The following VSIG1 variants were observed in gnomAD, a reference collection of about 807,000 sequenced individuals.
The protein encoded by VSIG1 is V-set and immunoglobulin domain containing 1.
In VSIG1, 11 loss-of-function variants were observed where a neutral mutation model predicts 20.1. The observed-to-expected ratio is 0.55, with a 90% CI of 0.34 to 0.91. The LOEUF (loss-of-function observed/expected upper bound fraction) is 0.91, where lower values mean the gene tolerates loss of function less well. Ranked by LOEUF, VSIG1 falls within the 40% of genes least tolerant of loss-of-function variation. VSIG1 has a pLI of 0.02. For synonymous variants in VSIG1, 126 were observed against 116.7 expected (o/e 1.08, Z -0.52); for missense variants, 283 against 298.8 (o/e 0.95, Z 0.39).
chrX:108,048,164 C>G (rs898750312), intron 1 of VSIG1, among the ~76,000 whole-genome samples: 1 of 105,132 alleles, frequency 9.5e-6, no homozygotes, highest in Non-Finnish European at 1.9e-5. Context: ...CCACCACGCC[C>G]GGCTAATTTT....
At chrX:108,022,795 A>T in the VSIG1 span, among the ~76,000 whole-genome samples, 20 of 111,871 alleles carry the variant, frequency 1.8e-4, no homozygotes, top group Non-Finnish European at 3.0e-4. Context: ...ATAGGGGTGG[A>T]TCACTCATGA....
At chrX:108,076,443 C>A (rs2031349762) in intron 6 of VSIG1, among the ~76,000 whole-genome samples, 1 of 112,223 alleles carries the variant, frequency 8.9e-6, no homozygotes, top group Non-Finnish European at 1.9e-5. Context: ...TTAGCTATCA[C>A]AACAGTTTTA....
chrX:108,030,640 A>T, the VSIG1 span, among the ~76,000 whole-genome samples: 1 of 112,319 alleles, frequency 8.9e-6, no homozygotes. Flanking sequence ...CCAAAGTAGG[A>T]TCGGGTTTTT....
intron 3 of VSIG1, among the ~76,000 whole-genome samples, chrX:108,068,696 G>A (rs964887345): frequency 1.8e-5 from 2 of 111,834 alleles, no homozygotes; most frequent in Admixed American, 1.9e-4. Context: ...AGGCCCTATC[G>A]CCAAAATTAG....
chrX:108,072,397 C>T (rs980064861), intron 3 of VSIG1, among the ~76,000 whole-genome samples: 20 of 110,246 alleles, frequency 1.8e-4, no homozygotes, highest in Non-Finnish European at 9.5e-5. Flanking sequence ...GGATTACAGG[C>T]GCCCACCACC....
chrX:108,057,366 A>C (rs1245109399), intron 1 of VSIG1, among the ~76,000 whole-genome samples: 1 of 112,064 alleles, frequency 8.9e-6, no homozygotes, highest in Non-Finnish European at 1.9e-5. Context: ...AAAATAGAGA[A>C]TTAAATGTGC....
At chrX:108,071,916 T>G (rs939638271) in intron 3 of VSIG1, among the ~76,000 whole-genome samples, 4 of 75,699 alleles carry the variant, frequency 5.3e-5, no homozygotes, top group African/African-American at 2.0e-4. Context: ...AAAAAGAAAA[T>G]AATCATGAGA....
At chrX:108,038,791 G>A in the VSIG1 span, among the ~76,000 whole-genome samples, 1 of 112,192 alleles carries the variant, frequency 8.9e-6, no homozygotes. Flanking sequence ...TGAGGTTAGA[G>A]AGGTGGTGGT....
upstream of VSIG1, chrX:108,044,935 A>G: frequency 6.5e-6 from 2 of 305,806 alleles, no homozygotes; most frequent in Non-Finnish European, 1.1e-5. Flanking sequence ...CGCCCCATGA[A>G]AAGTGTTTCA....
chrX:108,045,275 G>T (rs1602561837), intron 1 of VSIG1, 96 bp downstream of exon 1: 1 of 694,886 alleles, frequency 1.4e-6, no homozygotes, highest in Non-Finnish European at 2.0e-6. Context: ...TTCATCTCCT[G>T]TACTTCAAAT....
chrX:108,032,187 A>C, the VSIG1 span, among the ~76,000 whole-genome samples: 2 of 112,403 alleles, frequency 1.8e-5, no homozygotes, highest in African/African-American at 3.2e-5. Flanking sequence ...TCGTCATTTC[A>C]TGTCAACTCA....
the VSIG1 span, among the ~76,000 whole-genome samples, chrX:108,024,289 G>T: frequency 9.0e-6 from 1 of 111,055 alleles, no homozygotes; most frequent in East Asian, 2.8e-4. Flanking sequence ...AAGGTCAGTA[G>T]TAATGTCCTG....
chrX:108,040,223 A>T (rs762452771), upstream of VSIG1, among the ~76,000 whole-genome samples: 7 of 111,853 alleles, frequency 6.3e-5, no homozygotes, highest in African/African-American at 1.9e-4. Context: ...GTAAACAAGC[A>T]ATTCACAGGG....
At chrX:108,049,864 T>C (rs1171202202) in intron 1 of VSIG1, among the ~76,000 whole-genome samples, 1 of 112,042 alleles carries the variant, frequency 8.9e-6, no homozygotes, top group African/African-American at 3.3e-5. Context: ...GAACCATCTT[T>C]CTCCAGTGAA....
In VSIG1 at chrX:108,046,773, A is replaced by G. The variant is rs186627559; in HGVS notation, c.49+1594A>G. 6.3e-3 allele frequency among the ~76,000 whole-genome samples: 705 copies of G among 111,245 alleles called. 7 individuals are homozygous for G. Among genetic ancestry groups the G allele is most frequent in the African/African-American group, 0.022 (662 of 30,633 alleles). On this transcript the variant is annotated intron_variant, in intron 1 of 6. Transcript: ENST00000217957. ...GGGTTTATTCCTTGTATACTTTTTT[A>G]TTGTTTAAAAAAATTGTTTAGCATC...
chrX:108,063,836 C>T (rs1006875502), intron 2 of VSIG1, among the ~76,000 whole-genome samples: 14 of 111,472 alleles, frequency 1.3e-4, no homozygotes, highest in Non-Finnish European at 5.7e-5. Context: ...AATTAACAAG[C>T]GCCCCTTAAG....
In VSIG1 at chrX:108,077,335, T is replaced by C. The variant is rs1034832530; in HGVS notation, c.1118T>C (p.Val373Ala). The change falls in exon 7 of 7, where the codon GTA becomes GCA. Residue 373 changes from valine (V) to alanine (A), a missense_variant. Coordinates refer to ENST00000217957, the MANE Select transcript of VSIG1 (RefSeq NM_182607.5). ...GAGCCAGAGTCAGAGCCTGGGGTTG[T>C]AGTTGAGCCCTTAAGTGAAGATGAA... is the stretch of plus-strand genomic sequence containing the variant. ...EPEPESEPGVVVEPLSEDEKG... is the reference protein window; with the variant it reads ...EPEPESEPGVAVEPLSEDEKG... 5.0e-6 allele frequency: 6 copies of C among 1,210,512 alleles called. No individual in the cohort carries two copies. In the African/African-American group the frequency reaches 1.0e-4, roughly 21 times the overall value.
At chrX:108,074,110 G>C (rs775501447) in intron 5 of VSIG1, among the ~76,000 whole-genome samples, 69 of 111,826 alleles carry the variant, frequency 6.2e-4, no homozygotes, top group African/African-American at 2.2e-3. Flanking sequence ...AACATCTCAA[G>C]GATCACTTAA....
chrX:108,021,408 T>C, the VSIG1 span, among the ~76,000 whole-genome samples: 1 of 112,015 alleles, frequency 8.9e-6, no homozygotes, highest in African/African-American at 3.2e-5. Flanking sequence ...TTGGGTTGTT[T>C]GTCTTTTCAT....
Sources: allele counts gnomAD v4.1 joint callset (sites outside exome capture counted in the v4.1 genomes callset), GRCh38; gene constraint gnomAD v4.1.1; transcripts MANE v1.5; gene names NCBI Gene and HGNC (gene_info 2026-07-23, HGNC 2026-07-21).